SLC13A2: variants seen among roughly 807,000 people sequenced by gnomAD.
SLC13A2 encodes the protein solute carrier family 13 member 2, also known as Na(+)-coupled citrate transporter.
A neutral mutation model predicts 58.5 loss-of-function variants in SLC13A2; 40 were observed. The observed-to-expected ratio is 0.68, with a 90% CI of 0.53 to 0.89. SLC13A2 has a LOEUF of 0.89. SLC13A2 is among the 40% of genes least tolerant of loss of function. The probability of loss-of-function intolerance (pLI) is 0.00; values close to 1 mark genes in which losing one functional copy is unlikely to be tolerated. For missense variants in SLC13A2, 694 were observed against 772.6 expected, an observed-to-expected ratio of 0.90 and a Z score of 1.21; for synonymous variants, 341 against 331.6, an observed-to-expected ratio of 1.03 and a Z score of -0.31.
chr17:28,485,530 G>A (rs1317153048), intron 1 of SLC13A2, among the ~76,000 whole-genome samples: 1 of 152,126 alleles, frequency 6.6e-6, no homozygotes, highest in African/African-American at 2.4e-5. Context: ...GACCCCTAGG[G>A]CTCTGCCCTC....
Position 28,493,651 on chromosome 17 carries a change from G to C in SLC13A2, c.959G>C (p.Arg320Thr). ...AAYCVIQTEH[R>T]LLGPMTFAEK... ...TACTGCGTCATCCAGACCGAGCACAGGCTGCTGGGCCCCATGACCTTTGCA... is the reference window on the plus strand; with the variant it reads ...TACTGCGTCATCCAGACCGAGCACACGCTGCTGGGCCCCATGACCTTTGCA... The change falls in exon 7 of 12, where the codon AGG (arginine) becomes ACG (threonine). Residue 320 changes from arginine to threonine, a missense_variant. Arg to Thr is a moderately conservative substitution (Grantham distance 71). Transcript: ENST00000314669. The C allele has an allele frequency of 6.2e-7, 1 of 1,614,220 alleles. No homozygotes were observed. Among genetic ancestry groups the C allele is most frequent in the African/African-American group, 1.3e-5 (1 of 75,074 alleles).
chr17:28,495,054 G>T (rs2072335), intron 9 of SLC13A2, among the ~76,000 whole-genome samples: 20,092 of 152,152 alleles, frequency 0.13, 1,639 homozygotes, highest in East Asian at 0.27. Context: ...GGGGACTCCT[G>T]GGTCTGTGGC....
At chr17:28,479,952 C>T (rs1555600742) in intron 1 of SLC13A2, among the ~76,000 whole-genome samples, 1 of 152,094 alleles carries the variant, frequency 6.6e-6, no homozygotes. Context: ...GTCAGGAGTT[C>T]GAGACCAGCC....
chr17:28,488,065 A>G (rs538230370), intron 1 of SLC13A2, among the ~76,000 whole-genome samples: 10 of 151,998 alleles, frequency 6.6e-5, no homozygotes, highest in Middle Eastern at 3.4e-3. Flanking sequence ...ATAAGGTGGG[A>G]CCCCCACACC....
intron 4 of SLC13A2, 148 bp downstream of exon 4, chr17:28,491,054 T>C: frequency 1.1e-6 from 1 of 882,088 alleles, no homozygotes; most frequent in Non-Finnish European, 1.7e-6. Context: ...TTGTTTTTCC[T>C]TTTTTAAAAA....
At chr17:28,490,929 C>A in intron 4 of SLC13A2, 23 bp downstream of exon 4, 1 of 1,588,590 alleles carries the variant, frequency 6.3e-7, no homozygotes. Flanking sequence ...AGGCTAGACT[C>A]TGCCCCAACC....
intron 1 of SLC13A2, among the ~76,000 whole-genome samples, chr17:28,488,101 T>G (rs147641083): frequency 6.6e-6 from 1 of 152,316 alleles, no homozygotes; most frequent in Non-Finnish European, 1.5e-5. Context: ...TATGTTTTCA[T>G]GTAAACACAA....
chr17:28,482,867 G>A (rs1270922579), intron 1 of SLC13A2, among the ~76,000 whole-genome samples: 1 of 152,186 alleles, frequency 6.6e-6, no homozygotes, highest in Non-Finnish European at 1.5e-5. Flanking sequence ...CAGGGACGGG[G>A]CCCCTTCTCC....
Position 28,497,329 on chromosome 17 carries a change from C to CAGA in SLC13A2, c.*60_*61insAGA. The CAGA allele has an allele frequency of 6.5e-7, 1 of 1,547,596 alleles. No homozygotes were observed. Among genetic ancestry groups the CAGA allele is most frequent in the Non-Finnish European group, 8.7e-7 (1 of 1,143,462 alleles). On this transcript the variant is annotated 3_prime_UTR_variant, in exon 12 of 12. Transcript: ENST00000314669. ...CACCCCATTCCCACTCCTCTGAGCC[C>CAGA]GGAGGGGACACCCCAAGCTCCAAGC...
rs1555604270 is a variant in SLC13A2 at position 28,494,528 on chromosome 17, C to G, written c.1308+16C>G. 6.2e-7 allele frequency: 1 copy of G among 1,613,664 alleles called. No homozygotes were observed. The highest frequency in any genetic ancestry group is 1.1e-5 in the South Asian group (1 of 91,014). On this transcript the variant is annotated intron_variant, in intron 9 of 11. Coordinates refer to ENST00000314669, the MANE Select transcript of SLC13A2 (RefSeq NM_003984.4). This position sits in a 1 kb window ranked among gnomAD's most constrained non-coding sequence, Gnocchi z 4.0. ...GGGCAGTGAGGTGAGAGGCCCCCAG[C>G]CCCCTCCTCAGCCTGTGTGAGGGTG... is the stretch of plus-strand genomic sequence containing the variant.
At position 28,490,911 on chromosome 17, in the gene SLC13A2, G is replaced by A. The variant is rs782031202; in HGVS notation, c.574+5G>A. The A allele has an allele frequency of 6.2e-6, 10 of 1,610,214 alleles. No homozygotes were observed. Among genetic ancestry groups the A allele is most frequent in the Non-Finnish European group, 7.6e-6 (9 of 1,178,234 alleles). The stretch of plus-strand genomic sequence containing the variant: ...AGAAGGAGGTGACCAAGCTTGGTGA[G>A]AAAAATGAGGCTAGACTCTGCCCCA... On this transcript the variant is annotated splice_donor_5th_base_variant and intron_variant, in intron 4 of 11. Transcript: ENST00000314669.
In SLC13A2 at chr17:28,494,425, C is replaced by T; in HGVS notation, c.1221C>T (p.Leu407=). 1 of 1,614,194 alleles carries T rather than the reference C, an allele frequency of 6.2e-7. No homozygotes were observed. The highest frequency in any genetic ancestry group is 1.3e-5 in the African/African-American group (1 of 75,054). ...NPGKLKAPLG[L]LDWKTVNQKM... ...GGAAGCTGAAGGCCCCTCTTGGCCT[C>T]CTCGACTGGAAGACGGTGAACCAGA... Residue 407 remains leucine, a synonymous_variant, in exon 9 of 12, where the codon CTC becomes CTT. Transcript: ENST00000314669. The surrounding 1 kb of genome is among the most constrained non-coding windows in gnomAD (Gnocchi z 4.0).
chr17:28,487,667 T>C (rs2068907409), intron 1 of SLC13A2: 1 of 730,542 alleles, frequency 1.4e-6, no homozygotes. Context: ...GGAGGGTAAC[T>C]GGCCATTCAG....
chr17:28,493,368 G>A (rs2069065764), intron 6 of SLC13A2, among the ~76,000 whole-genome samples: 1 of 152,192 alleles, frequency 6.6e-6, no homozygotes, highest in South Asian at 2.1e-4. Flanking sequence ...ATGGGGCAGG[G>A]CCAAGCATGG....
chr17:28,477,432 G>A (rs1368758353), intron 1 of SLC13A2, among the ~76,000 whole-genome samples: 4 of 151,696 alleles, frequency 2.6e-5, no homozygotes, highest in Non-Finnish European at 5.9e-5. Flanking sequence ...CTGACCTCGT[G>A]ATCCGCCCGC....
rs1456054022 is a variant in SLC13A2 at position 28,489,345 on chromosome 17, GAGCCCCATCCATAGGAGAA to G, written c.231+7_231+25del. 4.4e-6 allele frequency: 7 copies of G among 1,582,636 alleles called. No individual in the cohort carries two copies. The highest frequency in any genetic ancestry group is 6.0e-6 in the Non-Finnish European group (7 of 1,168,210). On this transcript the variant is annotated splice_donor_5th_base_variant and intron_variant, in intron 2 of 11. Transcript: ENST00000314669. ...TGGGCATCGTGGATGCCTCTGAGGT[GAGCCCCATCCATAGGAGAA>G]AGCGTTCTGGGCAGTGCGGGAGGCC...
At chr17:28,473,870 C>T (rs2068627158) in intron 1 of SLC13A2, 56 bp downstream of exon 1, 1 of 1,499,164 alleles carries the variant, frequency 6.7e-7, no homozygotes, top group Non-Finnish European at 9.2e-7. Context: ...GAGGGACTGT[C>T]TGGGCCGGGG....
rs367951924 is a variant in SLC13A2, at chr17:28,487,041, GC to G, written c.103-2167del. On this transcript the variant is annotated intron_variant, in intron 1 of 11. Transcript: ENST00000314669. ...TCAAACTCCTTTACTCAAGTGATCA[GC>G]CCCCCACGGCCTCCCAGAGTGCTGG... Among the ~76,000 whole-genome samples, 374 of 152,232 alleles carry G rather than the reference GC, an allele frequency of 2.5e-3. 3 individuals are homozygous for G. Among genetic ancestry groups the G allele is most frequent in the African/African-American group, 8.6e-3 (358 of 41,566 alleles).
chr17:28,477,909 T>C (rs1243755991), intron 1 of SLC13A2, among the ~76,000 whole-genome samples: 1 of 151,792 alleles, frequency 6.6e-6, no homozygotes, highest in Non-Finnish European at 1.5e-5. Flanking sequence ...AATACAAAAA[T>C]TAGCCAGGTG....
Sources: allele counts gnomAD v4.1 joint callset (sites outside exome capture counted in the v4.1 genomes callset), GRCh38; gene constraint gnomAD v4.1.1; non-coding constraint Gnocchi (gnomAD v3.1); transcripts MANE v1.5; gene names NCBI Gene and HGNC (gene_info 2026-07-23, HGNC 2026-07-21).